GRM7: variants seen among roughly 807,000 people sequenced by gnomAD.
GRM7 encodes the protein glutamate metabotropic receptor 7.
A neutral mutation model predicts 84.5 loss-of-function variants in GRM7; 35 were observed. That is an observed-to-expected ratio of 0.41 (90% CI 0.32 to 0.55). The LOEUF is 0.55. Among genes scored for constraint, GRM7 ranks in the 20% least tolerant of loss-of-function variants. The pLI is 0.19. For missense variants in GRM7, 1,003 were observed against 1,194.6 expected, an observed-to-expected ratio of 0.84 and a Z score of 2.36; for synonymous variants, 487 against 455.1, an observed-to-expected ratio of 1.07 and a Z score of -0.89.
At chr3:7,213,942 AG>A (rs1696516080) in intron 2 of GRM7, among the ~76,000 whole-genome samples, 1 of 152,224 alleles carries the variant, frequency 6.6e-6, no homozygotes, top group Non-Finnish European at 1.5e-5. Flanking sequence ...GTCCCAGTAA[AG>A]AACAGCAAAG....
At chr3:7,058,338 C>G (rs1697305693) in intron 1 of GRM7, among the ~76,000 whole-genome samples, 1 of 151,806 alleles carries the variant, frequency 6.6e-6, no homozygotes, top group Non-Finnish European at 1.5e-5. Context: ...GTATTTAACA[C>G]AAATATTGTT....
intron 2 of GRM7, among the ~76,000 whole-genome samples, chr3:7,207,278 A>G (rs1456169729): frequency 2.0e-5 from 3 of 152,156 alleles, no homozygotes; most frequent in Non-Finnish European, 4.4e-5. Context: ...CCTGCATCTC[A>G]TTCCTGGAGA....
At chr3:7,571,641 G>C (rs1019108930) in intron 7 of GRM7, among the ~76,000 whole-genome samples, 1 of 152,126 alleles carries the variant, frequency 6.6e-6, no homozygotes, top group Non-Finnish European at 1.5e-5. Flanking sequence ...ACATTTTCCT[G>C]TCTTCTTCTG....
chr3:7,484,213 A>G (rs1384713976), intron 7 of GRM7, among the ~76,000 whole-genome samples: 1 of 152,186 alleles, frequency 6.6e-6, no homozygotes, highest in African/African-American at 2.4e-5. Context: ...TCTGATACAT[A>G]CGTGGGTTTG....
At chr3:7,014,911 T>C (rs376579123) in intron 1 of GRM7, among the ~76,000 whole-genome samples, 4 of 152,088 alleles carry the variant, frequency 2.6e-5, no homozygotes, top group South Asian at 2.1e-4. Flanking sequence ...GTAGCTAGGA[T>C]TGTAAAACGC....
intron 4 of GRM7, among the ~76,000 whole-genome samples, chr3:7,320,918 T>A (rs1700755549): frequency 6.6e-6 from 1 of 152,046 alleles, no homozygotes; most frequent in South Asian, 2.1e-4. Context: ...AAGTGAAAGA[T>A]TGTATTAAGA....
In GRM7 at chr3:6,877,949, C is replaced by CT. The variant is rs34919831; in HGVS notation, c.519+16056dup. On this transcript the variant is annotated intron_variant, in intron 1 of 9. Transcript: ENST00000357716. ...TGATCAGATTTAACTCAATAACTTA[C>CT]TTTTTTTTTTTTTTACAGATCTGTG... is the stretch of plus-strand genomic sequence containing the variant. Among the ~76,000 whole-genome samples the CT allele has an allele frequency of 9.0e-4, 131 of 145,446 alleles. 1 individual carries two copies. Among genetic ancestry groups the CT allele is most frequent in the East Asian group, 1.8e-3 (9 of 4,898 alleles).
chr3:7,280,186 CTTTAA>C (rs1699207200), intron 2 of GRM7, among the ~76,000 whole-genome samples: 2 of 152,134 alleles, frequency 1.3e-5, no homozygotes, highest in South Asian at 4.1e-4. Flanking sequence ...TTGGGGCAAA[CTTTAA>C]TTTATCTACA....
At chr3:7,552,226 C>T (rs1357189688) in intron 7 of GRM7, among the ~76,000 whole-genome samples, 3 of 152,350 alleles carry the variant, frequency 2.0e-5, no homozygotes, top group Middle Eastern at 3.4e-3. Flanking sequence ...TCAGGTCACA[C>T]TGATGCAAGA....
chr3:6,942,430 T>A (rs1697925181), intron 1 of GRM7, among the ~76,000 whole-genome samples: 1 of 152,146 alleles, frequency 6.6e-6, no homozygotes, highest in African/African-American at 2.4e-5. Context: ...TTCTTTTTGT[T>A]AATTAAGCTT....
intron 4 of GRM7, among the ~76,000 whole-genome samples, chr3:7,346,380 C>T (rs1429652121): frequency 6.6e-6 from 1 of 152,132 alleles, no homozygotes; most frequent in Non-Finnish European, 1.5e-5. Context: ...ATGTTTTCAG[C>T]CTGCTTACAA....
rs369589300 is a variant in GRM7, at chr3:7,566,962, T to A, written c.1516-11460T>A. ...AAATTTAAGATAAGAACCTCCCTCA[T>A]AATTTTTTGTTTTTGAGGATAATGC... On this transcript the variant is annotated intron_variant, in intron 7 of 9. Transcript: ENST00000357716. Among the ~76,000 whole-genome samples the A allele has an allele frequency of 3.2e-4, 48 of 152,332 alleles. 1 individual carries two copies. The highest frequency in any genetic ancestry group is 1.1e-3 in the African/African-American group (44 of 41,580).
intron 1 of GRM7, among the ~76,000 whole-genome samples, chr3:7,031,510 G>C (rs188562355): frequency 6.6e-6 from 1 of 151,642 alleles, no homozygotes; most frequent in Non-Finnish European, 1.5e-5. Context: ...TCCGCCTCCC[G>C]GGTTCATGCC....
At chr3:7,214,554 G>A (rs1575040239) in intron 2 of GRM7, among the ~76,000 whole-genome samples, 1 of 152,206 alleles carries the variant, frequency 6.6e-6, no homozygotes, top group East Asian at 1.9e-4. Context: ...ATAAATGTTT[G>A]TTGAATGAAA....
intron 4 of GRM7, among the ~76,000 whole-genome samples, chr3:7,366,954 A>C (rs1178669742): frequency 8.4e-6 from 1 of 118,920 alleles, no homozygotes; most frequent in African/African-American, 3.2e-5. Flanking sequence ...AATGAATCTT[A>C]AAATTATCTT....
chr3:7,281,734 T>C (rs1699256103), intron 2 of GRM7, among the ~76,000 whole-genome samples: 1 of 152,142 alleles, frequency 6.6e-6, no homozygotes, highest in African/African-American at 2.4e-5. Context: ...TCTAAGAGGT[T>C]GTTAGAAATG....
At chr3:7,403,175 G>A (rs2125161280) in intron 4 of GRM7, 2 of 447,050 alleles carry the variant, frequency 4.5e-6, no homozygotes, top group South Asian at 1.6e-5. Flanking sequence ...ATTGCCTGGA[G>A]AAATGGGTAG....
At chr3:7,038,095 A>G (rs558673829) in intron 1 of GRM7, among the ~76,000 whole-genome samples, 21 of 152,326 alleles carry the variant, frequency 1.4e-4, no homozygotes, top group African/African-American at 4.3e-4. Context: ...AGACCCCTCT[A>G]TTGACTAAAG....
At chr3:7,415,970 C>T (rs1696142299) in intron 5 of GRM7, among the ~76,000 whole-genome samples, 2 of 152,076 alleles carry the variant, frequency 1.3e-5, no homozygotes, top group South Asian at 2.1e-4. Flanking sequence ...TCAAAAGACC[C>T]TTTTGGGAGA....
Sources: allele counts gnomAD v4.1 joint callset (sites outside exome capture counted in the v4.1 genomes callset), GRCh38; gene constraint gnomAD v4.1.1; transcripts MANE v1.5; gene names NCBI Gene and HGNC (gene_info 2026-07-23, HGNC 2026-07-21).